The following ST18 variants were observed in gnomAD, a reference collection of about 807,000 sequenced individuals.
ST18 encodes the protein ST18 C2H2C-type zinc finger transcription factor.
In ST18, 50 loss-of-function variants were observed where a neutral mutation model predicts 110.0. The observed-to-expected ratio is 0.45, with a 90% confidence interval of 0.36 to 0.58. The LOEUF is 0.58. Among genes scored for constraint, ST18 ranks in the 20% least tolerant of loss-of-function variants. The pLI, the probability that ST18 is intolerant of heterozygous loss-of-function variation, is 0.00. For synonymous variants in ST18, 461 were observed against 452.4 expected, an observed-to-expected ratio of 1.02 and a Z score of -0.24; for missense variants, 1,306 against 1,280.1, an observed-to-expected ratio of 1.02 and a Z score of -0.31.
intron 2 of ST18, among the ~76,000 whole-genome samples, chr8:52,251,445 C>T (rs764919811): frequency 2.0e-5 from 3 of 152,000 alleles, no homozygotes; most frequent in Non-Finnish European, 4.4e-5. Context: ...ATGAGAAGTG[C>T]ATAATTTCTA....
intron 15 of ST18, among the ~76,000 whole-genome samples, chr8:52,150,199 C>T (rs1035140444): frequency 1.3e-5 from 2 of 151,886 alleles, no homozygotes; most frequent in African/African-American, 4.8e-5. Context: ...ACAAAGTAAG[C>T]TTAATGTAAA....
At chr8:52,210,781 G>C (rs149298311) in intron 8 of ST18, among the ~76,000 whole-genome samples, 1 of 152,184 alleles carries the variant, frequency 6.6e-6, no homozygotes, top group African/African-American at 2.4e-5. Flanking sequence ...ACAGAGAAGA[G>C]TATCTGCATG....
At chr8:52,190,333 C>A (rs1048205572) in intron 8 of ST18, among the ~76,000 whole-genome samples, 2 of 152,068 alleles carry the variant, frequency 1.3e-5, no homozygotes, top group African/African-American at 2.4e-5. Flanking sequence ...ATGTCCCAAG[C>A]GTTTCAGATA....
chr8:52,249,085 C>T (rs2094084851), intron 2 of ST18, among the ~76,000 whole-genome samples: 1 of 152,136 alleles, frequency 6.6e-6, no homozygotes, highest in Admixed American at 6.6e-5. Flanking sequence ...GCAAAAGCAC[C>T]ATTTCTCCAA....
At chr8:52,395,115 C>A (rs566462523) in intron 2 of ST18, among the ~76,000 whole-genome samples, 12 of 152,296 alleles carry the variant, frequency 7.9e-5, no homozygotes, top group Admixed American at 3.3e-4. Flanking sequence ...AGTGTCCTGG[C>A]TGGACTGGAG....
chr8:52,228,291 A>T (rs2090186059), intron 3 of ST18, among the ~76,000 whole-genome samples: 2 of 152,246 alleles, frequency 1.3e-5, no homozygotes, highest in South Asian at 4.1e-4. Context: ...CAAATGTAAA[A>T]TAGAAATAAT....
In ST18 at chr8:52,137,512, G is replaced by A. The variant is rs753494522; in HGVS notation, c.2169-29C>T. ...AGTCAATAGAAAATACATCATTAGA[G>A]TCAAGCGCATTTCCCAGGTTCATTT... On this transcript the variant is annotated intron_variant, in intron 17 of 25. Coordinates refer to ENST00000689386, the MANE Select transcript of ST18 (RefSeq NM_001352837.2). The A allele has an allele frequency of 3.1e-6, 5 of 1,611,708 alleles. No homozygotes were observed. In the South Asian group the frequency reaches 4.4e-5, roughly 14 times the overall value.
At chr8:52,176,462 G>C (rs1189005725) in intron 9 of ST18, among the ~76,000 whole-genome samples, 1 of 152,076 alleles carries the variant, frequency 6.6e-6, no homozygotes, top group African/African-American at 2.4e-5. Flanking sequence ...AAATGTCTAG[G>C]GTCAGCTCTT....
At chr8:52,284,123 G>C (rs952107477) in intron 2 of ST18, among the ~76,000 whole-genome samples, 3 of 152,182 alleles carry the variant, frequency 2.0e-5, no homozygotes, top group Non-Finnish European at 4.4e-5. Context: ...ACGCAAGTGA[G>C]AGGCAGAGCC....
intron 2 of ST18, among the ~76,000 whole-genome samples, chr8:52,259,299 C>T (rs1354544280): frequency 6.8e-6 from 1 of 146,992 alleles, no homozygotes; most frequent in Non-Finnish European, 1.5e-5. Flanking sequence ...TTGTAACATA[C>T]TCAGTCAGAT....
chr8:52,249,692 G>A (rs1383663529), intron 2 of ST18, among the ~76,000 whole-genome samples: 1 of 151,994 alleles, frequency 6.6e-6, no homozygotes, highest in Admixed American at 6.6e-5. Context: ...AAAAAAATTA[G>A]AATACTGAGG....
intron 17 of ST18, among the ~76,000 whole-genome samples, chr8:52,140,619 TGA>T (rs35601459): frequency 0.045 from 6,828 of 152,064 alleles, 305 homozygotes; most frequent in African/African-American, 0.11. Context: ...AAGAGGCCTC[TGA>T]GAGAGTAATT....
At chr8:52,134,826 C>A (rs554389904) in intron 19 of ST18, among the ~76,000 whole-genome samples, 1 of 151,958 alleles carries the variant, frequency 6.6e-6, no homozygotes, top group Admixed American at 6.6e-5. Flanking sequence ...AGTAACCGTT[C>A]GTTTTGGGGC....
intron 2 of ST18, chr8:52,407,173 C>T (rs1046470761): frequency 4.9e-4 from 75 of 152,286 alleles, no homozygotes; most frequent in African/African-American, 1.7e-3. Context: ...TGTCCCCTCA[C>T]GTTCTTTGGA....
At chr8:52,398,093 T>C (rs1841767767) in intron 2 of ST18, among the ~76,000 whole-genome samples, 1 of 152,170 alleles carries the variant, frequency 6.6e-6, no homozygotes, top group African/African-American at 2.4e-5. Context: ...TATTTATACC[T>C]TCTTCAATTT....
intron 2 of ST18, among the ~76,000 whole-genome samples, chr8:52,332,649 G>A (rs1810127171): frequency 6.7e-6 from 1 of 149,124 alleles, no homozygotes; most frequent in Non-Finnish European, 1.5e-5. Context: ...TCAGGAATTC[G>A]AGACCAGCCT....
chr8:52,169,826 T>C (rs1020606660), intron 10 of ST18, among the ~76,000 whole-genome samples: 1 of 152,164 alleles, frequency 6.6e-6, no homozygotes, highest in African/African-American at 2.4e-5. Context: ...GGTCTTGATC[T>C]TGCAGAGGCT....
At chr8:52,237,651 G>T (rs889825026) in intron 2 of ST18, among the ~76,000 whole-genome samples, 5 of 152,112 alleles carry the variant, frequency 3.3e-5, no homozygotes, top group African/African-American at 1.2e-4. Flanking sequence ...TTTCAGTGTG[G>T]GAGCCAAACT....
intron 2 of ST18, among the ~76,000 whole-genome samples, chr8:52,311,951 TA>T (rs2095922597): frequency 1.3e-5 from 2 of 152,170 alleles, no homozygotes; most frequent in Non-Finnish European, 2.9e-5. Context: ...ATTGAGTGGG[TA>T]AAAAACAAAC....
Sources: gnomAD v4.1 joint callset for allele counts (sites outside exome capture counted in the v4.1 genomes callset) on GRCh38, gnomAD v4.1.1 for gene constraint, MANE v1.5 for transcripts, NCBI Gene and HGNC (gene_info 2026-07-23, HGNC 2026-07-21) for gene names.